AHSA1: variants seen among roughly 807,000 people sequenced by gnomAD.
The protein encoded by AHSA1 is activator of HSP90 ATPase activity 1.
Under a neutral mutation model 46.1 loss-of-function variants are expected in AHSA1, and 14 were observed. That is an observed-to-expected ratio of 0.30 (90% CI 0.20 to 0.47). The LOEUF is 0.47. Among genes scored for constraint, AHSA1 ranks in the 20% least tolerant of loss-of-function variants. AHSA1 has a pLI of 0.99. For synonymous variants in AHSA1, 147 were observed against 145.8 expected, an observed-to-expected ratio of 1.01 and a Z score of -0.06; for missense variants, 333 against 415.9, an observed-to-expected ratio of 0.80 and a Z score of 1.73.
chr14:77,464,568 C>T (rs1481017810), intron 4 of AHSA1, 30 bp from the exon 5 acceptor site: 1 of 1,584,246 alleles, frequency 6.3e-7, no homozygotes, highest in Non-Finnish European at 8.6e-7. Context: ...TAAGAAGTAA[C>T]TTCCATGAGC....
At chr14:77,468,562 A>ATTTTTTTTT in intron 8 of AHSA1, 54 bp downstream of exon 8, 1 of 1,090,630 alleles carries the variant, frequency 9.2e-7, no homozygotes, top group Non-Finnish European at 1.3e-6. Context: ...CTTTGCTGTA[A>ATTTTTTTTT]TTTTTTTTTT....
At chr14:77,459,532 C>A in intron 1 of AHSA1, 84 bp from the exon 2 acceptor site, 1 of 1,374,668 alleles carries the variant, frequency 7.3e-7, no homozygotes, top group Admixed American at 1.9e-5. Flanking sequence ...ATTTGTCAGG[C>A]CTCCTTTAAC....
chr14:77,465,550 T>C lies in AHSA1; in HGVS notation c.573T>C (p.Ala191=), dbSNP rs1470027222. The stretch of plus-strand genomic sequence containing the variant: ...TGCCACCTTCACAGGCTAAGCCTGC[T>C]CCTTCAAAAACCCAGGCCAGACCTG... ...LKTEERKAKP[A]PSKTQARPVG... Residue 191 remains alanine, a synonymous_variant, in exon 6 of 9, where the codon GCT becomes GCC. Transcript: ENST00000216479. The C allele has an allele frequency of 1.2e-6, 2 of 1,613,874 alleles. No homozygotes were observed. Among genetic ancestry groups the C allele is most frequent in the Non-Finnish European group, 1.7e-6 (2 of 1,179,852 alleles).
chr14:77,459,877 A>G, intron 2 of AHSA1, 71 bp downstream of exon 2: 2 of 1,538,744 alleles, frequency 1.3e-6, no homozygotes, highest in Non-Finnish European at 1.8e-6. Context: ...TGGAGAGAAC[A>G]GTTTTGAGGA....
intron 2 of AHSA1, 86 bp downstream of exon 2, chr14:77,459,892 C>T (rs1242108485): frequency 4.7e-6 from 7 of 1,478,864 alleles, no homozygotes; most frequent in African/African-American, 4.2e-5. Flanking sequence ...TGAGGAGTTA[C>T]AGACCTTGAA....
At chr14:77,466,106 G>C (rs2079046983) in intron 6 of AHSA1, among the ~76,000 whole-genome samples, 1 of 152,222 alleles carries the variant, frequency 6.6e-6, no homozygotes, top group Admixed American at 6.5e-5. Flanking sequence ...CAAAGTGCTG[G>C]GATTACAGGT....
intron 2 of AHSA1, among the ~76,000 whole-genome samples, chr14:77,461,947 G>A (rs2079027210): frequency 6.6e-6 from 1 of 152,212 alleles, no homozygotes; most frequent in African/African-American, 2.4e-5. Flanking sequence ...GTCTCACATT[G>A]TAATAACATA....
rs990438789 is a variant in AHSA1 at position 77,459,649 on chromosome 14, T to G, written c.114T>G (p.Asp38Glu). Residue 38 changes from aspartate (D) to glutamate (E), a missense_variant, in exon 2 of 9, where the codon GAT becomes GAG. Physicochemically the swap from Asp to Glu is conservative, Grantham distance 45. Coordinates refer to ENST00000216479, the MANE Select transcript of AHSA1 (RefSeq NM_012111.3). ...GAGATGCTTCAAATTGGTCCACGGA[T>G]AAGCTGAAAACACTGTTCCTGGCAG... The part of the protein sequence containing the change: ...TERDASNWST[D>E]KLKTLFLAVQ... The G allele has an allele frequency of 6.2e-6, 10 of 1,614,208 alleles. No homozygotes were observed. Among genetic ancestry groups the G allele is most frequent in the Non-Finnish European group, 7.6e-6 (9 of 1,180,040 alleles).
Position 77,469,279 on chromosome 14 carries a change from G to T in AHSA1, c.*30G>T. ...AGCGGCAGGGGACTCCAGCCTGCTG[G>T]ACACTTCAGTCCAGCTCTCTCCTGA... is the stretch of plus-strand genomic sequence containing the variant. On this transcript the variant is annotated 3_prime_UTR_variant, in exon 9 of 9. Coordinates refer to ENST00000216479, the MANE Select transcript of AHSA1 (RefSeq NM_012111.3). The T allele has an allele frequency of 6.2e-7, 1 of 1,610,158 alleles. No homozygotes were observed. Among genetic ancestry groups the T allele is most frequent in the Non-Finnish European group, 8.5e-7 (1 of 1,177,594 alleles).
At chr14:77,469,040 C>T (rs1485725007) in intron 8 of AHSA1, 37 bp from the exon 9 acceptor site, 2 of 1,608,066 alleles carry the variant, frequency 1.2e-6, no homozygotes, top group South Asian at 2.2e-5. Context: ...AGATGGAAAC[C>T]TAGATATGAA....
rs562627801 is a variant in AHSA1, at chr14:77,469,322, C to T, written c.*73C>T. The T allele has an allele frequency of 2.4e-5, 38 of 1,554,652 alleles. No homozygotes were observed. In the South Asian group the frequency reaches 4.5e-4, roughly 19 times the overall value. ...TCTCCTGACTGGGGCTTGCGACTCA[C>T]AGGATTGCATCGTCCCAGCTGCTAA... On this transcript the variant is annotated 3_prime_UTR_variant, in exon 9 of 9. Coordinates refer to ENST00000216479, the MANE Select transcript of AHSA1 (RefSeq NM_012111.3).
At chr14:77,464,740 CCTT>C in intron 5 of AHSA1, 54 bp downstream of exon 5, 7 of 1,475,206 alleles carry the variant, frequency 4.7e-6, no homozygotes, top group African/African-American at 1.4e-5. Context: ...TGAGAGACCG[CCTT>C]CTTAATTCCA....
intron 2 of AHSA1, among the ~76,000 whole-genome samples, chr14:77,460,896 A>G (rs978593182): frequency 3.9e-5 from 6 of 151,974 alleles, no homozygotes; most frequent in Non-Finnish European, 7.4e-5. Context: ...GTGGTGGCTA[A>G]CGCCTGTAAT....
intron 2 of AHSA1, among the ~76,000 whole-genome samples, chr14:77,461,634 G>A (rs1338386110): frequency 6.6e-6 from 1 of 152,220 alleles, no homozygotes; most frequent in African/African-American, 2.4e-5. Flanking sequence ...ACTCGTTGAG[G>A]ATGGGTATGG....
chr14:77,469,046 A>G (rs2079061948), intron 8 of AHSA1, 31 bp from the exon 9 acceptor site: 1 of 1,609,792 alleles, frequency 6.2e-7, no homozygotes, highest in Non-Finnish European at 8.5e-7. Flanking sequence ...AAACCTAGAT[A>G]TGAAACCTCC....
Position 77,465,666 on chromosome 14 carries a change from A to C in AHSA1, c.689A>C (p.Glu230Ala). 6.2e-7 allele frequency: 1 copy of C among 1,613,270 alleles called. No individual in the cohort carries two copies. Among genetic ancestry groups the C allele is most frequent in the South Asian group, 1.1e-5 (1 of 91,068 alleles). The stretch of plus-strand genomic sequence containing the variant: ...CTCTATAGAGTGTTTACCACCCAAG[A>C]GGTAAGTAAGTCTTGTCCTTCAGGC... The part of the protein sequence containing the change: ...EELYRVFTTQ[E>A]LVQAFTHAPA... Residue 230 changes from glutamate (E) to alanine (A), a missense_variant and splice_region_variant, in exon 6 of 9, where the codon GAG (glutamate) becomes GCG (alanine). By Grantham distance (107) the Glu-to-Ala change is moderately radical (BLOSUM62 -1). Coordinates refer to ENST00000216479, the MANE Select transcript of AHSA1 (RefSeq NM_012111.3).
At chr14:77,468,749 T>TTTAC in intron 8 of AHSA1, 1 of 470,170 alleles carries the variant, frequency 2.1e-6, no homozygotes, top group South Asian at 3.2e-5. Context: ...TTTTTTTACT[T>TTTAC]TTTTACTTTT....
At chr14:77,468,051 C>CTTTTTTTTTTTTTTTTTTT (rs34989956) in intron 6 of AHSA1, 32 bp from the exon 7 acceptor site, 3 of 684,586 alleles carry the variant, frequency 4.4e-6, no homozygotes, top group Non-Finnish European at 4.3e-6. Flanking sequence ...TCTTCTGCCT[C>CTTTTTTTTTTTTTTTTTTT]TTTTTTTTTT....
chr14:77,468,755 C>T (rs760256), intron 8 of AHSA1: 138,737 of 313,274 alleles, frequency 0.44, 25,295 homozygotes, highest in East Asian at 0.78. Context: ...TACTTTTTTA[C>T]TTTTTTTGTA....
Sources: gnomAD v4.1 joint callset for allele counts (sites outside exome capture counted in the v4.1 genomes callset) on GRCh38, gnomAD v4.1.1 for gene constraint, MANE v1.5 for transcripts, NCBI Gene and HGNC (gene_info 2026-07-23, HGNC 2026-07-21) for gene names.